CNTNAP5: variants seen among roughly 807,000 people sequenced by gnomAD.
CNTNAP5 encodes contactin associated protein family member 5.
CNTNAP5 carries 72 observed loss-of-function variants against 150.2 expected under a neutral mutation model. The ratio of observed to expected loss-of-function variants is 0.48; its 90% CI spans 0.40 to 0.58. CNTNAP5 has a LOEUF of 0.58. CNTNAP5 is among the 20% of genes least tolerant of loss of function. The pLI is 0.00. For missense variants in CNTNAP5, 1,636 were observed against 1,626.2 expected, an observed-to-expected ratio of 1.01 and a Z score of -0.10; for synonymous variants, 672 against 619.8, an observed-to-expected ratio of 1.08 and a Z score of -1.25.
chr2:124,842,563 T>C (rs1296644191), intron 19 of CNTNAP5, among the ~76,000 whole-genome samples: 1 of 152,192 alleles, frequency 6.6e-6, no homozygotes, highest in African/African-American at 2.4e-5. Flanking sequence ...AATGGGACTC[T>C]TTTTCTATGC....
At chr2:124,054,081 G>A (rs572248285) in intron 1 of CNTNAP5, among the ~76,000 whole-genome samples, 41 of 152,232 alleles carry the variant, frequency 2.7e-4, no homozygotes, top group African/African-American at 9.6e-4. Context: ...GACAAGGATC[G>A]ACTTATCACA....
At chr2:124,272,056 C>G (rs1687772940) in intron 3 of CNTNAP5, among the ~76,000 whole-genome samples, 1 of 152,046 alleles carries the variant, frequency 6.6e-6, no homozygotes, top group African/African-American at 2.4e-5. Flanking sequence ...ATTTCTAAAA[C>G]AAATAAATAC....
intron 3 of CNTNAP5, among the ~76,000 whole-genome samples, chr2:124,279,243 GTGTGTC>G (rs1283251150): frequency 2.6e-5 from 4 of 151,318 alleles, no homozygotes; most frequent in African/African-American, 4.9e-5. Context: ...GTGTGTGTGT[GTGTGTC>G]TGTGTGTGTG....
intron 11 of CNTNAP5, among the ~76,000 whole-genome samples, chr2:124,591,954 T>C (rs560870679): frequency 6.6e-6 from 1 of 152,250 alleles, no homozygotes; most frequent in Non-Finnish European, 1.5e-5. Flanking sequence ...ATACCCCCAT[T>C]TATTAGATAA....
intron 13 of CNTNAP5, among the ~76,000 whole-genome samples, chr2:124,702,987 G>T (rs1679553992): frequency 6.6e-6 from 1 of 152,092 alleles, no homozygotes; most frequent in South Asian, 2.1e-4. Flanking sequence ...ACTTTATAAT[G>T]TTAAATGTGC....
intron 1 of CNTNAP5, among the ~76,000 whole-genome samples, chr2:124,057,159 A>G (rs1482988701): frequency 1.3e-5 from 2 of 152,028 alleles, no homozygotes; most frequent in African/African-American, 4.8e-5. Flanking sequence ...TCTTTACCCA[A>G]TTAAGCCCAT....
At chr2:124,902,592 T>C (rs760887385) in intron 21 of CNTNAP5, among the ~76,000 whole-genome samples, 13 of 152,300 alleles carry the variant, frequency 8.5e-5, no homozygotes, top group Non-Finnish European at 1.3e-4. Flanking sequence ...TTGTCTTTGT[T>C]ACAGTTCATA....
intron 6 of CNTNAP5, among the ~76,000 whole-genome samples, chr2:124,454,631 A>G (rs912587171): frequency 1.3e-5 from 2 of 152,152 alleles, no homozygotes; most frequent in African/African-American, 4.8e-5. Flanking sequence ...AAGATAGAGG[A>G]TATGGTAGGC....
intron 3 of CNTNAP5, among the ~76,000 whole-genome samples, chr2:124,279,197 T>A (rs1412093209): frequency 6.6e-6 from 1 of 151,838 alleles, no homozygotes; most frequent in Non-Finnish European, 1.5e-5. Flanking sequence ...CTGTGATTTA[T>A]CTATATTCTT....
At chr2:124,877,321 A>G (rs954902355) in intron 21 of CNTNAP5, among the ~76,000 whole-genome samples, 2 of 152,084 alleles carry the variant, frequency 1.3e-5, no homozygotes, top group Non-Finnish European at 2.9e-5. Flanking sequence ...TGTCTATACT[A>G]GTGACTAAAA....
intron 13 of CNTNAP5, among the ~76,000 whole-genome samples, chr2:124,732,451 C>T (rs949293159): frequency 2.6e-5 from 4 of 152,066 alleles, no homozygotes; most frequent in South Asian, 2.1e-4. Flanking sequence ...AAAGTTCTCA[C>T]GCATAGGATT....
intron 19 of CNTNAP5, among the ~76,000 whole-genome samples, chr2:124,810,969 A>T (rs1000758684): frequency 1.3e-5 from 2 of 152,132 alleles, no homozygotes; most frequent in Admixed American, 6.6e-5. Flanking sequence ...AGTTGAGGAA[A>T]CCAAATCTAT....
At chr2:124,123,585 G>A (rs1245944597) in intron 1 of CNTNAP5, among the ~76,000 whole-genome samples, 3 of 152,172 alleles carry the variant, frequency 2.0e-5, no homozygotes, top group African/African-American at 7.2e-5. Flanking sequence ...TTTGAGATAT[G>A]AGAACGGACA....
At position 124,917,006 on chromosome 2, in the gene CNTNAP5, T is replaced by C. The variant is rs1195692165; in HGVS notation, c.*2718T>C. 6.6e-6 allele frequency among the ~76,000 whole-genome samples: 1 copy of C among 152,112 alleles called. No individual in the cohort carries two copies. Among genetic ancestry groups the C allele is most frequent in the Non-Finnish European group, 1.5e-5 (1 of 67,996 alleles). On this transcript the variant is annotated 3_prime_UTR_variant, in exon 24 of 24. Coordinates refer to ENST00000682447, the MANE Select transcript of CNTNAP5 (RefSeq NM_001367498.1). ...AACTCTGACTGTCTTTCCTCAGTGG[T>C]ACCAAGATCTATGTAGTTTTATGTA...
At chr2:124,764,190 A>G (rs778893432) in intron 16 of CNTNAP5, 43 bp downstream of exon 16, 4 of 1,539,818 alleles carry the variant, frequency 2.6e-6, no homozygotes, top group East Asian at 4.5e-5. Context: ...TGATCAACAA[A>G]CAAGTTTTAG....
chr2:124,122,794 C>CACACACA (rs1558764219), intron 1 of CNTNAP5, among the ~76,000 whole-genome samples: 15 of 128,986 alleles, frequency 1.2e-4, no homozygotes, highest in African/African-American at 3.0e-4. Flanking sequence ...ACACACACAC[C>CACACACA]CACACCTTTT....
chr2:124,763,874 TC>T (rs2104600596), intron 15 of CNTNAP5, 75 bp downstream of exon 15: 1 of 1,601,808 alleles, frequency 6.2e-7, no homozygotes, highest in Non-Finnish European at 8.5e-7. Flanking sequence ...TTATCCCTTT[TC>T]CCTGCAGTGT....
At chr2:124,626,963 C>T (rs1677737285) in intron 12 of CNTNAP5, among the ~76,000 whole-genome samples, 1 of 152,178 alleles carries the variant, frequency 6.6e-6, no homozygotes, top group South Asian at 2.1e-4. Flanking sequence ...CACCACAGTG[C>T]AGCAAAGGAG....
chr2:124,099,919 C>G (rs369912151), intron 1 of CNTNAP5, among the ~76,000 whole-genome samples: 4 of 152,162 alleles, frequency 2.6e-5, no homozygotes, highest in African/African-American at 7.2e-5. Flanking sequence ...CCAATCACTT[C>G]CCACAAAGCC....
Sources: gnomAD v4.1 joint callset for allele counts (sites outside exome capture counted in the v4.1 genomes callset) on GRCh38, gnomAD v4.1.1 for gene constraint, MANE v1.5 for transcripts, NCBI Gene and HGNC (gene_info 2026-07-23, HGNC 2026-07-21) for gene names.